RNF13: variants seen among roughly 807,000 people sequenced by gnomAD.
RNF13 encodes ring finger protein 13, also known as E3 ubiquitin-protein ligase RNF13.
A neutral mutation model predicts 37.7 loss-of-function variants in RNF13; 19 were observed. The ratio of observed to expected loss-of-function variants is 0.50; its 90% CI spans 0.35 to 0.74. The LOEUF is 0.74. RNF13 is among the 30% of genes least tolerant of loss of function. The pLI, the probability that RNF13 is intolerant of heterozygous loss-of-function variation, is 0.01. For missense variants in RNF13, 375 were observed against 453.0 expected (o/e 0.83, Z 1.56); for synonymous variants, 144 against 157.8 (o/e 0.91, Z 0.65).
chr3:149,932,770 C>T (rs578081568), intron 8 of RNF13, among the ~76,000 whole-genome samples: 6 of 152,222 alleles, frequency 3.9e-5, no homozygotes, highest in African/African-American at 1.4e-4. Context: ...CTTTTCAATG[C>T]TGAGGGTGCA....
At chr3:149,878,157 G>A (rs577653278) in intron 4 of RNF13, among the ~76,000 whole-genome samples, 1 of 152,154 alleles carries the variant, frequency 6.6e-6, no homozygotes, top group South Asian at 2.1e-4. Flanking sequence ...TTTTACATAG[G>A]TATCCTTTAA....
At chr3:149,900,634 A>C (rs1311570686) in intron 5 of RNF13, among the ~76,000 whole-genome samples, 1 of 152,150 alleles carries the variant, frequency 6.6e-6, no homozygotes, top group Admixed American at 6.5e-5. Flanking sequence ...GTATTTATTG[A>C]CATAACAGGA....
At chr3:149,882,941 C>G (rs948957464) in intron 4 of RNF13, among the ~76,000 whole-genome samples, 2 of 152,102 alleles carry the variant, frequency 1.3e-5, no homozygotes, top group African/African-American at 4.8e-5. Context: ...TGAAGTTAAT[C>G]CATTGTTAGT....
intron 1 of RNF13, among the ~76,000 whole-genome samples, chr3:149,834,473 C>T (rs1157512320): frequency 7.2e-5 from 11 of 152,150 alleles, no homozygotes; most frequent in African/African-American, 2.4e-5. Flanking sequence ...CAGAAGTCCT[C>T]CTATGGTTTG....
At chr3:149,878,586 A>T (rs1435986225) in intron 4 of RNF13, among the ~76,000 whole-genome samples, 3 of 152,218 alleles carry the variant, frequency 2.0e-5, no homozygotes, top group Non-Finnish European at 2.9e-5. Context: ...AGATAAAATT[A>T]ATGATTTACA....
chr3:149,833,204 C>G (rs1721248030), intron 1 of RNF13, among the ~76,000 whole-genome samples: 1 of 146,112 alleles, frequency 6.8e-6, no homozygotes, highest in Non-Finnish European at 1.5e-5. Flanking sequence ...ACTGCAACCT[C>G]TGCCTCCCAG....
intron 1 of RNF13, chr3:149,822,469 A>G (rs1314313082): frequency 2.0e-5 from 3 of 152,106 alleles, no homozygotes; most frequent in Non-Finnish European, 4.4e-5. Context: ...TTTGTGTGTA[A>G]CATTTATTGC....
chr3:149,929,967 C>G (rs1719007162), intron 8 of RNF13, among the ~76,000 whole-genome samples: 1 of 152,110 alleles, frequency 6.6e-6, no homozygotes, highest in African/African-American at 2.4e-5. Context: ...GCTCTGTTGC[C>G]CAGGCTGGAG....
intron 4 of RNF13, among the ~76,000 whole-genome samples, chr3:149,878,385 T>C (rs1712996237): frequency 6.6e-6 from 1 of 152,192 alleles, no homozygotes; most frequent in Non-Finnish European, 1.5e-5. Context: ...TAAAATGTCA[T>C]AAGAGCCTGA....
intron 5 of RNF13, among the ~76,000 whole-genome samples, chr3:149,900,715 A>G (rs573322388): frequency 3.9e-4 from 60 of 152,370 alleles, no homozygotes; most frequent in African/African-American, 1.3e-3. Context: ...TTGATATAAA[A>G]AATAAAATTT....
chr3:149,858,549 A>T (rs368838283), intron 3 of RNF13, among the ~76,000 whole-genome samples: 23 of 152,318 alleles, frequency 1.5e-4, no homozygotes, highest in African/African-American at 5.3e-4. Context: ...ATAATTATCA[A>T]TGGCAAATCT....
At chr3:149,878,507 A>G (rs1050573237) in intron 4 of RNF13, among the ~76,000 whole-genome samples, 2 of 152,194 alleles carry the variant, frequency 1.3e-5, no homozygotes, top group African/African-American at 4.8e-5. Flanking sequence ...ATTGCTTGCT[A>G]TAATTCTGGA....
chr3:149,884,746 T>TTACTTTTTACA (rs1713823773), intron 4 of RNF13, among the ~76,000 whole-genome samples: 1 of 152,176 alleles, frequency 6.6e-6, no homozygotes, highest in Non-Finnish European at 1.5e-5. Context: ...ATCCTTTGTG[T>TTACTTTTTACA]TACATACAAT....
At chr3:149,845,930 A>G (rs1372422135) in intron 1 of RNF13, 81 bp from the exon 2 acceptor site, 2 of 677,706 alleles carry the variant, frequency 3.0e-6, no homozygotes, top group East Asian at 2.6e-5. Context: ...ATATTTTTGG[A>G]CATTGGGAAT....
intron 3 of RNF13, among the ~76,000 whole-genome samples, chr3:149,856,387 A>G (rs886597126): frequency 2.6e-5 from 4 of 152,166 alleles, no homozygotes; most frequent in African/African-American, 9.7e-5. Context: ...AAATACGTTA[A>G]AAATATAACT....
At chr3:149,895,666 C>A in intron 5 of RNF13, 106 bp downstream of exon 5, 1 of 649,132 alleles carries the variant, frequency 1.5e-6, no homozygotes, top group Non-Finnish European at 2.6e-6. Context: ...AGCAAAATTT[C>A]TTCTCTATCA....
intron 4 of RNF13, among the ~76,000 whole-genome samples, chr3:149,880,652 A>G (rs181262124): frequency 6.6e-6 from 1 of 152,262 alleles, no homozygotes; most frequent in East Asian, 1.9e-4. Flanking sequence ...ATTAATTTTA[A>G]TTTTATGTTA....
chr3:149,908,466 T>C (rs1405058545), intron 6 of RNF13, among the ~76,000 whole-genome samples: 1 of 152,218 alleles, frequency 6.6e-6, no homozygotes, highest in African/African-American at 2.4e-5. Flanking sequence ...ACAGTAGACA[T>C]TTAGTAAATT....
At chr3:149,870,626 G>A (rs1467323848) in intron 3 of RNF13, among the ~76,000 whole-genome samples, 1 of 151,784 alleles carries the variant, frequency 6.6e-6, no homozygotes, top group Non-Finnish European at 1.5e-5. Context: ...ACTCAGAGCA[G>A]GATGCAAATT....
Sources: allele counts gnomAD v4.1 joint callset (sites outside exome capture counted in the v4.1 genomes callset), GRCh38; gene constraint gnomAD v4.1.1; transcripts MANE v1.5; gene names NCBI Gene and HGNC (gene_info 2026-07-23, HGNC 2026-07-21).